Variants in NCALD observed in about 807,000 individuals in gnomAD.
NCALD encodes the protein neurocalcin-delta.
NCALD carries 10 observed loss-of-function variants against 18.6 expected under a neutral mutation model. That is an observed-to-expected ratio of 0.54 (90% CI 0.33 to 0.91). The LOEUF (loss-of-function observed/expected upper bound fraction) is 0.91. Among genes scored for constraint, NCALD ranks in the 40% least tolerant of loss-of-function variants. NCALD has a pLI of 0.03. For missense variants in NCALD, 184 were observed against 247.6 expected (o/e 0.74, Z 1.72); for synonymous variants, 88 against 87.4 (o/e 1.01, Z -0.04).
At chr8:101,791,434 CAG>C (rs1159141997), upstream of NCALD, among the ~76,000 whole-genome samples, 1 of 152,022 alleles carries the variant, frequency 6.6e-6, no homozygotes, top group Non-Finnish European at 1.5e-5. Flanking sequence ...TATATAAAAA[CAG>C]AAGCTCAGGG....
At chr8:101,875,459 C>G (rs1816190937) in intron 4 of NCALD, among the ~76,000 whole-genome samples, 1 of 152,162 alleles carries the variant, frequency 6.6e-6, no homozygotes, top group South Asian at 2.1e-4. Context: ...TTTTTCTAAC[C>G]TCTCTGCTCG....
intron 1 of NCALD, among the ~76,000 whole-genome samples, chr8:101,757,041 TTTTTCCAATAAGCAAAAACTA>T (rs1375193473): frequency 6.6e-6 from 1 of 152,198 alleles, no homozygotes; most frequent in Non-Finnish European, 1.5e-5. Flanking sequence ...AGGAACAACA[TTTTTCCAATAAGCAAAAACTA>T]TTTCATGCCA....
chr8:102,054,132 C>T (rs150257267), intron 1 of NCALD, among the ~76,000 whole-genome samples: 26 of 152,266 alleles, frequency 1.7e-4, no homozygotes, highest in Non-Finnish European at 3.1e-4. Flanking sequence ...TTCACTCACA[C>T]GTTCAGTCAG....
intron 1 of NCALD, among the ~76,000 whole-genome samples, chr8:101,727,742 C>T (rs1285395154): frequency 6.6e-6 from 1 of 152,224 alleles, no homozygotes; most frequent in Non-Finnish European, 1.5e-5. Context: ...AGTTAGAATT[C>T]CCTCTTTGGC....
chr8:101,869,292 G>T (rs1815907226), intron 4 of NCALD, among the ~76,000 whole-genome samples: 2 of 152,212 alleles, frequency 1.3e-5, no homozygotes, highest in South Asian at 4.1e-4. Flanking sequence ...GAGGGAGGAG[G>T]ATCAGAGTCA....
chr8:101,797,961 A>G (rs928782696), intron 4 of NCALD, among the ~76,000 whole-genome samples: 5 of 152,228 alleles, frequency 3.3e-5, no homozygotes, highest in Non-Finnish European at 5.9e-5. Flanking sequence ...GAAGAAATTC[A>G]ACACAATTCA....
intron 4 of NCALD, among the ~76,000 whole-genome samples, chr8:101,863,909 A>T (rs1586653393): frequency 6.6e-6 from 1 of 152,194 alleles, no homozygotes. Flanking sequence ...GAGCCTTTAA[A>T]AAATGCTGAT....
chr8:102,018,223 T>C (rs559702394), intron 2 of NCALD, among the ~76,000 whole-genome samples: 1 of 152,170 alleles, frequency 6.6e-6, no homozygotes, highest in Non-Finnish European at 1.5e-5. Flanking sequence ...TTCCATATGA[T>C]ACAATAATCC....
Position 102,054,662 on chromosome 8 carries a change from ATAGATAGATAGATAG to A in NCALD, c.-209-34388_-209-34374del, listed in dbSNP as rs1563578068. Among the ~76,000 whole-genome samples the A allele has an allele frequency of 2.3e-3, 87 of 38,254 alleles. 2 individuals carry two copies. Among genetic ancestry groups the A allele is most frequent in the Admixed American group, 0.011 (57 of 5,052 alleles). The allele number at this position is 38,254 out of a possible 152,430, so 25.1% of individuals were successfully genotyped here. On this transcript the variant is annotated intron_variant, in intron 1 of 6. Coordinates refer to the NCALD transcript ENST00000311028. Reference sequence around the variant, plus strand: ...GATATGTCTCTCTCTTTCTCTTCCGATAGATAGATAGATAGATAGATAGATAGATAGATAGATAGA... The same window carrying A: ...GATATGTCTCTCTCTTTCTCTTCCGAATAGATAGATAGATAGATAGATAGA...
At chr8:101,917,229 T>C (rs909519133) in intron 2 of NCALD, among the ~76,000 whole-genome samples, 6 of 152,108 alleles carry the variant, frequency 3.9e-5, no homozygotes, top group Non-Finnish European at 5.9e-5. Flanking sequence ...ATTTAACAAC[T>C]TGTTTCTGAG....
intron 2 of NCALD, among the ~76,000 whole-genome samples, chr8:101,977,409 T>A (rs1820463523): frequency 6.6e-6 from 1 of 151,304 alleles, no homozygotes; most frequent in African/African-American, 2.5e-5. Context: ...TTTTTTTCCA[T>A]CCCTTAGGAC....
At position 101,767,782 on chromosome 8, in the gene NCALD, G is replaced by A. The variant is rs1377913108; in HGVS notation, c.-20+23080C>T. ...TTTCCCTGCACAATGCTAGCTGTCA[G>A]CCTCATGGATTAACTGGGGAATGGC... On this transcript the variant is annotated intron_variant, in intron 1 of 3. Transcript: ENST00000220931. 1.7e-4 allele frequency among the ~76,000 whole-genome samples: 26 copies of A among 152,212 alleles called. 1 individual carries two copies. Among genetic ancestry groups the A allele is most frequent in the Admixed American group, 1.7e-3 (26 of 15,274 alleles).
intron 2 of NCALD, among the ~76,000 whole-genome samples, chr8:102,010,739 C>T (rs1258887603): frequency 6.6e-6 from 1 of 152,154 alleles, no homozygotes; most frequent in Non-Finnish European, 1.5e-5. Flanking sequence ...TGACGTTTCC[C>T]TAGAGATAAC....
intron 1 of NCALD, among the ~76,000 whole-genome samples, chr8:102,108,013 C>T (rs868295176): frequency 2.0e-5 from 3 of 152,152 alleles, no homozygotes; most frequent in Middle Eastern, 6.8e-3. Context: ...CCTGCCCCTG[C>T]TCCTGGTCCC....
intron 2 of NCALD, among the ~76,000 whole-genome samples, chr8:101,988,253 T>C (rs1420880168): frequency 2.0e-5 from 3 of 151,866 alleles, no homozygotes; most frequent in Admixed American, 1.3e-4. Context: ...TTGCTCTACA[T>C]TTTGACAACA....
intron 1 of NCALD, among the ~76,000 whole-genome samples, chr8:102,056,619 G>A (rs1056307665): frequency 1.3e-5 from 2 of 152,224 alleles, no homozygotes; most frequent in Non-Finnish European, 2.9e-5. Context: ...TTGGCCACAG[G>A]TTTCCTGAGC....
At chr8:101,735,564 A>C (rs1817040113) in intron 1 of NCALD, among the ~76,000 whole-genome samples, 1 of 152,250 alleles carries the variant, frequency 6.6e-6, no homozygotes. Flanking sequence ...TCAGATAAAC[A>C]ATGAATACTT....
chr8:101,833,610 G>GTTTTTTTTTTTTTT (rs555031298), intron 4 of NCALD, among the ~76,000 whole-genome samples: 95 of 88,398 alleles, frequency 1.1e-3, no homozygotes, highest in East Asian at 1.3e-3. Flanking sequence ...TTTGTTTCTT[G>GTTTTTTTTTTTTTT]TTTTTTTTTT....
chr8:101,754,144 G>C (rs1471425279), intron 1 of NCALD, among the ~76,000 whole-genome samples: 4 of 152,246 alleles, frequency 2.6e-5, no homozygotes, highest in Admixed American at 6.5e-5. Context: ...CTGCAAGGTA[G>C]AGCCCTCTCC....
Sources: allele counts gnomAD v4.1 joint callset (sites outside exome capture counted in the v4.1 genomes callset), GRCh38; gene constraint gnomAD v4.1.1; transcripts MANE v1.5; gene names NCBI Gene and HGNC (gene_info 2026-07-23, HGNC 2026-07-21).